Variants in GPC5 observed in about 807,000 individuals in gnomAD.
GPC5 encodes glypican-5.
In GPC5, 47 loss-of-function variants were observed where a neutral mutation model predicts 53.9. That is an observed-to-expected ratio of 0.87 (90% CI 0.69 to 1.11). The LOEUF is 1.11. Ranked by LOEUF, GPC5 falls within the 50% of genes most tolerant of loss-of-function variation. GPC5 has a pLI of 0.00. For missense variants in GPC5, 748 were observed against 713.1 expected (o/e 1.05, Z -0.56); for synonymous variants, 286 against 263.3 (o/e 1.09, Z -0.84).
intron 7 of GPC5, among the ~76,000 whole-genome samples, chr13:92,427,704 T>G (rs1402882236): frequency 1.3e-5 from 2 of 152,044 alleles, no homozygotes; most frequent in Non-Finnish European, 2.9e-5. Context: ...AGTGATCTTG[T>G]GAGATACACT....
At position 91,756,390 on chromosome 13, in the gene GPC5, C is replaced by T. The variant is rs776737101; in HGVS notation, c.1250C>T (p.Pro417Leu). 4 of 1,593,612 alleles carry T rather than the reference C, an allele frequency of 2.5e-6. No individual in the cohort carries two copies. In the South Asian group the frequency reaches 4.5e-5, roughly 18 times the overall value. The change falls in exon 5 of 8, where the codon CCC (proline) becomes CTC (leucine). Residue 417 changes from proline to leucine, a missense_variant. By Grantham distance (98) the Pro-to-Leu change is moderately conservative. Transcript: ENST00000377067. Reference sequence around the variant, plus strand: ...GAATTAGCTGCTGCAGATGGACTTCCCTGCTGGAATGGAGAAGATATAGTA... The same window carrying T: ...GAATTAGCTGCTGCAGATGGACTTCTCTGCTGGAATGGAGAAGATATAGTA... ...ANELAAADGLPCWNGEDIVKS... is the reference protein window; with the variant it reads ...ANELAAADGLLCWNGEDIVKS...
At chr13:91,709,768 G>T (rs2036187070) in intron 3 of GPC5, among the ~76,000 whole-genome samples, 1 of 152,194 alleles carries the variant, frequency 6.6e-6, no homozygotes, top group South Asian at 2.1e-4. Context: ...TAGAGTTGAA[G>T]TCTTGATTCA....
intron 7 of GPC5, among the ~76,000 whole-genome samples, chr13:92,471,954 G>T (rs1878930086): frequency 6.6e-6 from 1 of 152,090 alleles, no homozygotes; most frequent in Non-Finnish European, 1.5e-5. Flanking sequence ...TATTTTGACA[G>T]CACATCTATT....
chr13:91,405,690 G>A lies in GPC5; in HGVS notation c.163+6481G>A, dbSNP rs529194252. 3.3e-4 allele frequency among the ~76,000 whole-genome samples: 50 copies of A among 152,204 alleles called. 1 individual carries two copies. The South Asian group carries it at 0.01, about 31-fold the overall frequency. Reference sequence around the variant, plus strand: ...ACATACCTGCTAGGGCCATTTTCCTGGGCATGTGATCTGTGCAGTCAAGCA... The same window carrying A: ...ACATACCTGCTAGGGCCATTTTCCTAGGCATGTGATCTGTGCAGTCAAGCA... On this transcript the variant is annotated intron_variant, in intron 1 of 7. Transcript: ENST00000377067.
chr13:92,171,602 C>T (rs905017929), intron 7 of GPC5, among the ~76,000 whole-genome samples: 2 of 152,172 alleles, frequency 1.3e-5, no homozygotes, highest in African/African-American at 2.4e-5. Flanking sequence ...TGTTCATTTT[C>T]CACAATTGAC....
chr13:92,193,509 T>A (rs565085064), intron 7 of GPC5, among the ~76,000 whole-genome samples: 2 of 152,328 alleles, frequency 1.3e-5, no homozygotes, highest in South Asian at 4.1e-4. Flanking sequence ...GAATCCTATA[T>A]TGGATAATGG....
intron 7 of GPC5, among the ~76,000 whole-genome samples, chr13:92,185,443 A>G (rs2042177154): frequency 6.6e-6 from 1 of 152,176 alleles, no homozygotes; most frequent in South Asian, 2.1e-4. Flanking sequence ...GCAATGCCTC[A>G]GTTCTCCAGA....
At chr13:92,004,380 G>A (rs1240808053) in intron 6 of GPC5, among the ~76,000 whole-genome samples, 1 of 148,122 alleles carries the variant, frequency 6.8e-6, no homozygotes, top group Non-Finnish European at 1.5e-5. Flanking sequence ...GGGAGGTGGA[G>A]GTTGCAATGA....
chr13:91,730,231 C>T (rs1311665213), intron 4 of GPC5, among the ~76,000 whole-genome samples: 6 of 152,190 alleles, frequency 3.9e-5, no homozygotes, highest in Non-Finnish European at 8.8e-5. Flanking sequence ...CTGCTAGTTG[C>T]TTATTTATTG....
At chr13:92,603,050 T>C (rs1240533982) in intron 7 of GPC5, among the ~76,000 whole-genome samples, 1 of 152,204 alleles carries the variant, frequency 6.6e-6, no homozygotes, top group African/African-American at 2.4e-5. Flanking sequence ...GTACATAGTG[T>C]CTACATAACT....
intron 2 of GPC5, among the ~76,000 whole-genome samples, chr13:91,608,434 T>TCACA (rs1231002151): frequency 6.6e-6 from 1 of 152,196 alleles, no homozygotes; most frequent in Non-Finnish European, 1.5e-5. Context: ...TTGTACCGTG[T>TCACA]CCCTATTTCA....
chr13:92,751,978 C>A (rs1055976827), intron 7 of GPC5, among the ~76,000 whole-genome samples: 1 of 151,324 alleles, frequency 6.6e-6, no homozygotes, highest in Non-Finnish European at 1.5e-5. Context: ...TCATTTGTAT[C>A]TAATTATGTT....
rs565256274 is a variant in GPC5, at chr13:92,236,546, T to C, written c.1561+91557T>C. ...CTTCCCTCACTTTTTTTCATATATG[T>C]TTTAATATTATACTTTAAACAACTA... On this transcript the variant is annotated intron_variant, in intron 7 of 7. Coordinates refer to ENST00000377067, the MANE Select transcript of GPC5 (RefSeq NM_004466.6). Among the ~76,000 whole-genome samples, 3 of 152,250 alleles carry C rather than the reference T, an allele frequency of 2.0e-5. No individual in the cohort carries two copies. The South Asian group carries it at 6.2e-4, about 32-fold the overall frequency.
chr13:92,811,313 G>A (rs1418816676), intron 7 of GPC5, among the ~76,000 whole-genome samples: 3 of 151,902 alleles, frequency 2.0e-5, no homozygotes, highest in Non-Finnish European at 2.9e-5. Flanking sequence ...CAGGAGCAAT[G>A]TACACATATT....
At position 92,383,002 on chromosome 13, in the gene GPC5, CAAA is replaced by C. The variant is rs57654180; in HGVS notation, c.1561+238034_1561+238036del. Among the ~76,000 whole-genome samples, 36 of 94,758 alleles carry C rather than the reference CAAA, an allele frequency of 3.8e-4. 2 individuals carry two copies. Among genetic ancestry groups the C allele is most frequent in the Middle Eastern group, 6.6e-3 (1 of 152 alleles). 62.2% of individuals were successfully genotyped at this position (94,758 alleles called of 152,430 possible). On this transcript the variant is annotated intron_variant, in intron 7 of 7. Coordinates refer to ENST00000377067, the MANE Select transcript of GPC5 (RefSeq NM_004466.6). ...TGGGCTACAGAGCAAGACTCCGTCT[CAAA>C]AAAAAAAAAAAAAAAAAAAAGGAAA...
chr13:92,518,572 A>T (rs967661632), intron 7 of GPC5, among the ~76,000 whole-genome samples: 1 of 152,218 alleles, frequency 6.6e-6, no homozygotes, highest in Non-Finnish European at 1.5e-5. Flanking sequence ...CAGACAAGCA[A>T]ATGCTGAGAG....
intron 6 of GPC5, among the ~76,000 whole-genome samples, chr13:92,076,391 T>G (rs1194921912): frequency 6.6e-6 from 1 of 152,234 alleles, no homozygotes; most frequent in East Asian, 1.9e-4. Flanking sequence ...TTTCATAGTT[T>G]CTTATTTATC....
At chr13:92,294,661 T>C (rs1205607740) in intron 7 of GPC5, among the ~76,000 whole-genome samples, 1 of 152,060 alleles carries the variant, frequency 6.6e-6, no homozygotes, top group Non-Finnish European at 1.5e-5. Flanking sequence ...AGCTATTTCG[T>C]TTCATTTATC....
intron 3 of GPC5, among the ~76,000 whole-genome samples, chr13:91,707,448 C>T (rs915525759): frequency 2.0e-5 from 3 of 151,904 alleles, no homozygotes; most frequent in African/African-American, 7.3e-5. Context: ...CATAGCGAGA[C>T]ACCATCTCTA....
Sources: gnomAD v4.1 joint callset for allele counts (sites outside exome capture counted in the v4.1 genomes callset) on GRCh38, gnomAD v4.1.1 for gene constraint, MANE v1.5 for transcripts, NCBI Gene and HGNC (gene_info 2026-07-23, HGNC 2026-07-21) for gene names.